ALCAM: variants seen among roughly 807,000 people sequenced by gnomAD.
The protein encoded by ALCAM is CD166 antigen.
A neutral mutation model predicts 70.9 loss-of-function variants in ALCAM; 30 were observed. The observed-to-expected ratio is 0.42, with a 90% CI of 0.32 to 0.57. The LOEUF is 0.57. Among genes scored for constraint, ALCAM ranks in the 20% least tolerant of loss-of-function variants. ALCAM has a pLI of 0.11. For missense variants in ALCAM, 591 were observed against 695.1 expected (o/e 0.85, Z 1.68); for synonymous variants, 249 against 242.5 (o/e 1.03, Z -0.25).
At chr3:105,469,955 C>G (rs1937875110) in intron 1 of ALCAM, among the ~76,000 whole-genome samples, 1 of 150,680 alleles carries the variant, frequency 6.6e-6, no homozygotes, top group East Asian at 1.9e-4. Flanking sequence ...TCTATAAACA[C>G]AGAAATAATC....
intron 6 of ALCAM, among the ~76,000 whole-genome samples, chr3:105,537,193 C>T (rs1209914812): frequency 1.3e-5 from 2 of 152,102 alleles, no homozygotes; most frequent in Admixed American, 6.6e-5. Context: ...GAGAATCTAG[C>T]TCTTTAATCT....
At chr3:105,485,094 C>T (rs1285608544) in intron 1 of ALCAM, among the ~76,000 whole-genome samples, 1 of 151,964 alleles carries the variant, frequency 6.6e-6, no homozygotes, top group Non-Finnish European at 1.5e-5. Flanking sequence ...ATTATGAAAA[C>T]AAACTACACT....
At chr3:105,367,505 C>A (rs1190549980) in intron 1 of ALCAM, 24 bp downstream of exon 1, 1 of 1,613,510 alleles carries the variant, frequency 6.2e-7, no homozygotes, top group Non-Finnish European at 8.5e-7. Flanking sequence ...TGGGAGCAGC[C>A]CCAGACAGAC....
At chr3:105,472,545 C>A (rs1937964454) in intron 1 of ALCAM, among the ~76,000 whole-genome samples, 1 of 151,472 alleles carries the variant, frequency 6.6e-6, no homozygotes, top group East Asian at 1.9e-4. Context: ...AACTCATTTC[C>A]TCTTATTCTG....
intron 1 of ALCAM, among the ~76,000 whole-genome samples, chr3:105,463,532 G>C (rs979788517): frequency 6.6e-6 from 1 of 151,368 alleles, no homozygotes. Context: ...AAACTTTCTT[G>C]TTAAATTTTT....
At chr3:105,504,216 G>T (rs1217104749) in intron 1 of ALCAM, among the ~76,000 whole-genome samples, 1 of 152,136 alleles carries the variant, frequency 6.6e-6, no homozygotes, top group Non-Finnish European at 1.5e-5. Flanking sequence ...GCACACAGAC[G>T]GGCAGGTTAT....
intron 1 of ALCAM, among the ~76,000 whole-genome samples, chr3:105,444,519 G>A (rs2164956): frequency 0.7 from 107,111 of 151,946 alleles, 38,051 homozygotes; most frequent in East Asian, 0.93. Flanking sequence ...ACAATTTGCA[G>A]TGAGATTTGG....
intron 1 of ALCAM, among the ~76,000 whole-genome samples, chr3:105,428,345 A>AT (rs1936843986): frequency 6.6e-6 from 1 of 151,938 alleles, no homozygotes; most frequent in Non-Finnish European, 1.5e-5. Flanking sequence ...TTCAACTTTA[A>AT]TTTTCACCCT....
chr3:105,428,014 GAAA>G (rs893260863), intron 1 of ALCAM, among the ~76,000 whole-genome samples: 1 of 151,402 alleles, frequency 6.6e-6, no homozygotes, highest in African/African-American at 2.4e-5. Context: ...TTTTGAAAAA[GAAA>G]AAAAATGTTT....
intron 1 of ALCAM, among the ~76,000 whole-genome samples, chr3:105,469,481 A>G (rs1347792): frequency 0.19 from 28,213 of 151,078 alleles, 2,808 homozygotes; most frequent in East Asian, 0.37. Context: ...ATTGAAGGCA[A>G]TGGAGACAGA....
chr3:105,431,204 T>C (rs1220725409), intron 1 of ALCAM, among the ~76,000 whole-genome samples: 1 of 151,668 alleles, frequency 6.6e-6, no homozygotes, highest in Non-Finnish European at 1.5e-5. Flanking sequence ...AATGTGGCAT[T>C]GTATACAACC....
At chr3:105,501,842 A>T (rs894738932) in intron 1 of ALCAM, among the ~76,000 whole-genome samples, 2 of 152,218 alleles carry the variant, frequency 1.3e-5, no homozygotes, top group African/African-American at 4.8e-5. Context: ...TACTTAAAAC[A>T]TATTACATGC....
In ALCAM at chr3:105,452,559, G is replaced by A. The variant is rs74728186; in HGVS notation, c.74-67508G>A. ...TACTTGTGCATGTGTCTTTATAAGA[G>A]AATGATTTATATTCCTTTGGGTATA... is the stretch of plus-strand genomic sequence containing the variant. On this transcript the variant is annotated intron_variant, in intron 1 of 15. Coordinates refer to ENST00000306107, the MANE Select transcript of ALCAM (RefSeq NM_001627.4). 5.3e-4 allele frequency among the ~76,000 whole-genome samples: 80 copies of A among 152,304 alleles called. 1 individual carries two copies. The East Asian group carries it at 0.015, about 29-fold the overall frequency.
intron 1 of ALCAM, among the ~76,000 whole-genome samples, chr3:105,511,311 G>A (rs1203091854): frequency 6.6e-6 from 1 of 152,030 alleles, no homozygotes; most frequent in Non-Finnish European, 1.5e-5. Context: ...TTTATCTTCA[G>A]ATAGCAGATT....
chr3:105,454,920 T>C (rs2152593772), intron 1 of ALCAM, among the ~76,000 whole-genome samples: 1 of 151,764 alleles, frequency 6.6e-6, no homozygotes, highest in South Asian at 2.1e-4. Flanking sequence ...CCTCAAGTGA[T>C]ATGCTGGCCT....
intron 14 of ALCAM, among the ~76,000 whole-genome samples, chr3:105,562,345 T>C (rs1940645157): frequency 6.6e-6 from 1 of 152,232 alleles, no homozygotes; most frequent in African/African-American, 2.4e-5. Flanking sequence ...TTACCAGTAG[T>C]TTTTATCACA....
At chr3:105,569,671 C>T (rs1335851282) in intron 14 of ALCAM, among the ~76,000 whole-genome samples, 2 of 152,080 alleles carry the variant, frequency 1.3e-5, no homozygotes, top group African/African-American at 4.8e-5. Flanking sequence ...GGATGCCTAC[C>T]ATGTTCTAGT....
At chr3:105,545,781 T>C (rs1466779030) in intron 9 of ALCAM, among the ~76,000 whole-genome samples, 1 of 151,480 alleles carries the variant, frequency 6.6e-6, no homozygotes, top group East Asian at 1.9e-4. Context: ...AGCTCATAAC[T>C]GACAGAGTAG....
At chr3:105,423,727 C>T (rs1164251785) in intron 1 of ALCAM, among the ~76,000 whole-genome samples, 1 of 151,510 alleles carries the variant, frequency 6.6e-6, no homozygotes, top group African/African-American at 2.4e-5. Flanking sequence ...TTTTCTCATT[C>T]TATAACATAA....
Sources: allele counts gnomAD v4.1 joint callset (sites outside exome capture counted in the v4.1 genomes callset), GRCh38; gene constraint gnomAD v4.1.1; transcripts MANE v1.5; gene names NCBI Gene and HGNC (gene_info 2026-07-23, HGNC 2026-07-21).